Variants in ELP3 observed in about 807,000 individuals in gnomAD.
ELP3 encodes elongator complex protein 3.
Under a neutral mutation model 74.9 loss-of-function variants are expected in ELP3, and 56 were observed. The observed-to-expected ratio is 0.75, with a 90% CI of 0.60 to 0.93. The LOEUF (loss-of-function observed/expected upper bound fraction) is 0.93, where lower values mean the gene tolerates loss of function less well. ELP3 is among the 40% of genes least tolerant of loss of function. The pLI, the probability that ELP3 is intolerant of heterozygous loss-of-function variation, is 0.00. For synonymous variants in ELP3, 222 were observed against 239.8 expected, an observed-to-expected ratio of 0.93 and a Z score of 0.68; for missense variants, 573 against 686.5, an observed-to-expected ratio of 0.83 and a Z score of 1.85.
At chr8:28,131,468 G>C (rs890889765) in intron 8 of ELP3, among the ~76,000 whole-genome samples, 13 of 152,210 alleles carry the variant, frequency 8.5e-5, no homozygotes, top group African/African-American at 2.7e-4. Flanking sequence ...CCTAGGAATT[G>C]GGAAGTCATC....
At chr8:28,106,874 T>A (rs1811718114) in intron 4 of ELP3, 91 bp downstream of exon 4, 8 of 915,660 alleles carry the variant, frequency 8.7e-6, no homozygotes, top group Non-Finnish European at 1.4e-5. Context: ...CCTGGTAATG[T>A]TTAAAACTTC....
chr8:28,165,138 C>T (rs993320447), intron 14 of ELP3, among the ~76,000 whole-genome samples: 9 of 152,048 alleles, frequency 5.9e-5, no homozygotes, highest in African/African-American at 2.2e-4. Flanking sequence ...ACTTACTCTC[C>T]ATGGGCCTTT....
At chr8:28,177,801 G>A (rs1475964745) in intron 14 of ELP3, among the ~76,000 whole-genome samples, 3 of 152,170 alleles carry the variant, frequency 2.0e-5, no homozygotes, top group Non-Finnish European at 2.9e-5. Context: ...TTAAGCCAAG[G>A]TTTTTCTTAA....
intron 10 of ELP3, among the ~76,000 whole-genome samples, chr8:28,151,958 G>C (rs761600078): frequency 4.6e-5 from 7 of 152,178 alleles, no homozygotes; most frequent in Non-Finnish European, 1.0e-4. Flanking sequence ...TTAACTCTCA[G>C]ACTTGTCTGA....
At chr8:28,101,589 T>TG (rs1811489136) in intron 3 of ELP3, among the ~76,000 whole-genome samples, 1 of 111,456 alleles carries the variant, frequency 9.0e-6, no homozygotes, top group African/African-American at 3.8e-5. Flanking sequence ...GTCTTGACTT[T>TG]CTTTTTTTTT....
chr8:28,168,824 T>C (rs187485842), intron 14 of ELP3, among the ~76,000 whole-genome samples: 1 of 152,352 alleles, frequency 6.6e-6, no homozygotes, highest in East Asian at 1.9e-4. Context: ...AAAGCTTTTC[T>C]ATTTTAGATC....
chr8:28,128,189 G>A (rs928618726), intron 7 of ELP3, among the ~76,000 whole-genome samples: 1 of 152,052 alleles, frequency 6.6e-6, no homozygotes, highest in African/African-American at 2.4e-5. Context: ...ATTGAGAGAT[G>A]TTGGCCGGGC....
intron 7 of ELP3, among the ~76,000 whole-genome samples, chr8:28,117,827 G>T (rs1390121518): frequency 6.6e-6 from 1 of 152,132 alleles, no homozygotes; most frequent in African/African-American, 2.4e-5. Context: ...TTGTTTTGAG[G>T]GAAACTTTGT....
chr8:28,145,595 C>T (rs1813401204), intron 10 of ELP3, among the ~76,000 whole-genome samples: 8 of 150,960 alleles, frequency 5.3e-5, no homozygotes, highest in Admixed American at 5.3e-4. Context: ...TGAAGCTGAA[C>T]TTACAAGGTT....
intron 14 of ELP3, among the ~76,000 whole-genome samples, chr8:28,180,831 G>A (rs1305642171): frequency 6.6e-6 from 1 of 152,084 alleles, no homozygotes; most frequent in Non-Finnish European, 1.5e-5. Context: ...CAGAAGAGGG[G>A]GTGCTATGCT....
chr8:28,154,967 A>C (rs956635845), intron 10 of ELP3, among the ~76,000 whole-genome samples: 1 of 152,212 alleles, frequency 6.6e-6, no homozygotes, highest in African/African-American at 2.4e-5. Flanking sequence ...TATAGCTTTT[A>C]AAGCTAATCG....
At chr8:28,133,843 A>G (rs2130469146) in intron 9 of ELP3, among the ~76,000 whole-genome samples, 1 of 152,198 alleles carries the variant, frequency 6.6e-6, no homozygotes, top group East Asian at 1.9e-4. Flanking sequence ...ATTCCCCCAC[A>G]ATGGATATGT....
chr8:28,100,895 G>A (rs557797384), intron 3 of ELP3, among the ~76,000 whole-genome samples: 2 of 152,216 alleles, frequency 1.3e-5, no homozygotes, highest in Non-Finnish European at 2.9e-5. Flanking sequence ...ATGGTCCCCA[G>A]CACCAAATTC....
intron 2 of ELP3, among the ~76,000 whole-genome samples, chr8:28,099,285 T>C (rs964531447): frequency 1.2e-4 from 18 of 152,282 alleles, no homozygotes; most frequent in African/African-American, 4.3e-4. Flanking sequence ...TTTTTTTAAT[T>C]GTTGTTGTTG....
In ELP3 at chr8:28,170,634, G is replaced by A. The variant is rs953392742; in HGVS notation, c.1567+8556G>A. ...TGAGGATACATGGTTTCCCTCTGGA[G>A]CTTTCCTACCCTTAAATACTTATTT... On this transcript the variant is annotated intron_variant, in intron 14 of 14. Transcript: ENST00000256398. 5.9e-5 allele frequency among the ~76,000 whole-genome samples: 9 copies of A among 152,276 alleles called. No homozygotes were observed. In the East Asian group the frequency reaches 1.5e-3, roughly 26 times the overall value.
intron 12 of ELP3, among the ~76,000 whole-genome samples, 153 bp from the exon 13 acceptor site, chr8:28,160,076 A>G (rs1814007779): frequency 6.6e-6 from 1 of 152,214 alleles, no homozygotes. Flanking sequence ...TCTTGGTGCT[A>G]TTTGAGAGTA....
At chr8:28,128,633 T>G (rs1812675414) in intron 7 of ELP3, among the ~76,000 whole-genome samples, 1 of 152,224 alleles carries the variant, frequency 6.6e-6, no homozygotes, top group Non-Finnish European at 1.5e-5. Flanking sequence ...CTCTGTGCCC[T>G]TGAACATGCT....
At chr8:28,107,586 T>C (rs149788540) in intron 4 of ELP3, among the ~76,000 whole-genome samples, 1 of 152,338 alleles carries the variant, frequency 6.6e-6, no homozygotes, top group Non-Finnish European at 1.5e-5. Context: ...TTCTTGAGTG[T>C]GGTTCCCAAG....
intron 12 of ELP3, 123 bp downstream of exon 12, chr8:28,158,756 C>A (rs140134699): frequency 1.5e-5 from 11 of 749,406 alleles, no homozygotes; most frequent in African/African-American, 1.4e-4. Flanking sequence ...AGAGACTAAT[C>A]GAGGATTAGA....
Sources: gnomAD v4.1 joint callset for allele counts (sites outside exome capture counted in the v4.1 genomes callset) on GRCh38, gnomAD v4.1.1 for gene constraint, MANE v1.5 for transcripts, NCBI Gene and HGNC (gene_info 2026-07-23, HGNC 2026-07-21) for gene names.